Variants in TTC6 observed in about 807,000 individuals in gnomAD.
The protein encoded by TTC6 is tetratricopeptide repeat domain 6, also known as tetratricopeptide repeat protein 6.
TTC6 carries 172 observed loss-of-function variants against 210.4 expected under a neutral mutation model. The ratio of observed to expected loss-of-function variants is 0.82; its 90% CI spans 0.72 to 0.93. TTC6 has a LOEUF of 0.93. Ranked by LOEUF, TTC6 falls within the 40% of genes least tolerant of loss-of-function variation. The pLI, the probability that TTC6 is intolerant of heterozygous loss-of-function variation, is 0.00. For synonymous variants in TTC6, 804 were observed against 819.6 expected, an observed-to-expected ratio of 0.98 and a Z score of 0.32; for missense variants, 2,414 against 2,318.1, an observed-to-expected ratio of 1.04 and a Z score of -0.85.
At chr14:37,718,688 G>T (rs1371163578) in intron 6 of TTC6, among the ~76,000 whole-genome samples, 1 of 152,168 alleles carries the variant, frequency 6.6e-6, no homozygotes, top group Non-Finnish European at 1.5e-5. Context: ...AGCGCTTTGG[G>T]AGGCCAAGGT....
chr14:37,801,939 G>A (rs2096107581), intron 20 of TTC6, among the ~76,000 whole-genome samples: 1 of 152,150 alleles, frequency 6.6e-6, no homozygotes, highest in South Asian at 2.1e-4. Context: ...AAAGATACAT[G>A]CATGTGTATG....
intron 14 of TTC6, 104 bp downstream of exon 16, chr14:37,753,339 A>G: frequency 9.9e-7 from 1 of 1,011,108 alleles, no homozygotes; most frequent in African/African-American, 1.6e-5. Context: ...CTTTAAAAAC[A>G]ATGAATCAAT....
At chr14:37,774,597 T>C (rs550917978) in intron 14 of TTC6, among the ~76,000 whole-genome samples, 1 of 152,338 alleles carries the variant, frequency 6.6e-6, no homozygotes, top group Admixed American at 6.5e-5. Context: ...TACTTGCTCA[T>C]GGTGGATTAG....
At chr14:37,747,999 G>A (rs1272503422) in intron 10 of TTC6, among the ~76,000 whole-genome samples, 1 of 152,174 alleles carries the variant, frequency 6.6e-6, no homozygotes, top group African/African-American at 2.4e-5. Context: ...TTGCATACTA[G>A]GGGAAGCTCC....
chr14:37,647,176 T>C (rs1362005219), intron 1 of TTC6, among the ~76,000 whole-genome samples: 1 of 152,176 alleles, frequency 6.6e-6, no homozygotes, highest in Admixed American at 6.6e-5. Context: ...TTGTAGCCCA[T>C]GGTAAGAAAT....
chr14:37,715,583 A>AT (rs1264451725), intron 6 of TTC6, among the ~76,000 whole-genome samples: 3 of 152,168 alleles, frequency 2.0e-5, no homozygotes, highest in Admixed American at 2.0e-4. Flanking sequence ...TTATATTAAG[A>AT]TAAAGAAAGC....
At chr14:37,670,042 G>A (rs1321580630) in intron 1 of TTC6, among the ~76,000 whole-genome samples, 1 of 152,128 alleles carries the variant, frequency 6.6e-6, no homozygotes, top group African/African-American at 2.4e-5. Context: ...TCTTTCACAG[G>A]TGATATGAAT....
intron 5 of TTC6, among the ~76,000 whole-genome samples, chr14:37,708,882 T>C (rs1375263712): frequency 2.0e-5 from 3 of 152,104 alleles, no homozygotes; most frequent in Admixed American, 1.3e-4. Context: ...CTGTTGTTAA[T>C]TACTGAAAGC....
chr14:37,826,282 G>A, exon 28 of TTC6: 1 of 1,612,660 alleles, frequency 6.2e-7, no homozygotes, highest in Non-Finnish European at 8.5e-7. Context: ...TGAAGGAAGA[G>A]CTGTGGTCTG....
chr14:37,794,993 A>T (rs182563788), intron 17 of TTC6, among the ~76,000 whole-genome samples: 115 of 152,328 alleles, frequency 7.5e-4, no homozygotes, highest in African/African-American at 2.6e-3. Context: ...CACAATCCAG[A>T]ATGTATTATA....
Position 37,683,053 on chromosome 14 carries a change from G to A in TTC6, c.1257+89G>A, listed in dbSNP as rs188437054. On this transcript the variant is annotated intron_variant, in intron 3 of 30. Coordinates refer to ENST00000553443, the Ensembl canonical transcript of TTC6. ...AGAATTGGCCCAGGCAAGGACCAAC[G>A]TATGGGGCTGGGGGCGGGGGTGATG... 3.2e-4 allele frequency: 374 copies of A among 1,181,582 alleles called. No individual in the cohort carries two copies. The African/African-American group carries it at 4.1e-3, about 13-fold the overall frequency. 73.2% of individuals were successfully genotyped at this position (1,181,582 alleles called of 1,614,324 possible). A position where few individuals can be genotyped will look rare whatever the true frequency, so the allele number is the denominator to read the frequency against.
chr14:37,643,412 C>T (rs570923373), intron 1 of TTC6, among the ~76,000 whole-genome samples: 2 of 152,250 alleles, frequency 1.3e-5, no homozygotes, highest in South Asian at 4.1e-4. Context: ...GAATTTTCAA[C>T]TTGAGAGAAT....
At chr14:37,785,561 A>G (rs1197411599) in intron 14 of TTC6, among the ~76,000 whole-genome samples, 1 of 152,130 alleles carries the variant, frequency 6.6e-6, no homozygotes, top group African/African-American at 2.4e-5. Context: ...TTTGGGTTTG[A>G]ATATCCTCCT....
At chr14:37,780,243 A>G (rs115951447) in intron 14 of TTC6, among the ~76,000 whole-genome samples, 1,615 of 152,244 alleles carry the variant, frequency 0.011, 36 homozygotes, top group African/African-American at 0.035. Context: ...TTTTTCCTCA[A>G]CTTTTAAGTT....
chr14:37,753,641 T>G (rs2095958877), intron 14 of TTC6, among the ~76,000 whole-genome samples: 1 of 152,160 alleles, frequency 6.6e-6, no homozygotes, highest in Non-Finnish European at 1.5e-5. Flanking sequence ...CAGTCATGGC[T>G]CACTGCAGCC....
chr14:37,820,956 T>TCTCCTC (rs147457513), intron 26 of TTC6, among the ~76,000 whole-genome samples: 1 of 144,924 alleles, frequency 6.9e-6, no homozygotes, highest in South Asian at 2.2e-4. Flanking sequence ...TCCTCCTCCT[T>TCTCCTC]CTCCTCCTCC....
chr14:37,819,168 C>T lies in TTC6; in HGVS notation c.4763+1517C>T, dbSNP rs1312193099. Among the ~76,000 whole-genome samples the T allele has an allele frequency of 2.0e-5, 3 of 152,290 alleles. No homozygotes were observed. The East Asian group carries it at 5.8e-4, about 29-fold the overall frequency. ...TAAATCAGCTGTAAACCTCTGAAAA[C>T]TCAGAGTCCCAGTTCCACGTGTTTC... is the stretch of plus-strand genomic sequence containing the variant. On this transcript the variant is annotated intron_variant, in intron 26 of 30. Coordinates refer to ENST00000553443, the Ensembl canonical transcript of TTC6.
chr14:37,732,629 AT>A (rs907730849), intron 7 of TTC6, among the ~76,000 whole-genome samples: 7 of 53,632 alleles, frequency 1.3e-4, no homozygotes, highest in South Asian at 1.2e-3. Context: ...TTATTTATTT[AT>A]TTTTTTGAGA....
At chr14:37,813,066 A>G (rs1034550637) in intron 25 of TTC6, among the ~76,000 whole-genome samples, 1 of 152,154 alleles carries the variant, frequency 6.6e-6, no homozygotes, top group African/African-American at 2.4e-5. Flanking sequence ...ATTAAATAGC[A>G]ATTAGAGATA....
Sources: allele counts gnomAD v4.1 joint callset (sites outside exome capture counted in the v4.1 genomes callset), GRCh38; gene constraint gnomAD v4.1.1; transcripts MANE v1.5; gene names NCBI Gene and HGNC (gene_info 2026-07-23, HGNC 2026-07-21).